Variants in RDX observed in about 807,000 individuals in gnomAD.
The protein encoded by RDX is radixin.
RDX carries 32 observed loss-of-function variants against 83.7 expected under a neutral mutation model. The ratio of observed to expected loss-of-function variants is 0.38; its 90% CI spans 0.29 to 0.51. RDX has a LOEUF of 0.51. Among genes scored for constraint, RDX ranks in the 20% least tolerant of loss-of-function variants. The pLI, the probability that RDX is intolerant of heterozygous loss-of-function variation, is 0.87. For missense variants in RDX, 600 were observed against 689.9 expected (o/e 0.87, Z 1.46); for synonymous variants, 229 against 222.7 (o/e 1.03, Z -0.25).
chr11:110,239,017 G>A (rs866029499), intron 10 of RDX, among the ~76,000 whole-genome samples: 3 of 151,822 alleles, frequency 2.0e-5, no homozygotes, highest in Middle Eastern at 3.2e-3. Context: ...TTAGGCTCAC[G>A]CCTGTAATCC....
intron 1 of RDX, among the ~76,000 whole-genome samples, chr11:110,294,929 T>C (rs1281457860): frequency 6.6e-6 from 1 of 152,204 alleles, no homozygotes; most frequent in African/African-American, 2.4e-5. Context: ...TAAATAAAAC[T>C]GTAAAGAATG....
chr11:110,224,228 A>C (rs562503213), intron 14 of RDX, among the ~76,000 whole-genome samples: 7 of 151,784 alleles, frequency 4.6e-5, no homozygotes, highest in Non-Finnish European at 1.0e-4. Flanking sequence ...TATTAAAAAA[A>C]AAAAACAAAA....
intron 8 of RDX, 45 bp from the exon 9 acceptor site, chr11:110,254,154 T>C (rs575658464): frequency 2.0e-6 from 3 of 1,511,912 alleles, no homozygotes; most frequent in East Asian, 2.3e-5. Context: ...TCAAGGATAC[T>C]GTCTCTCATA....
chr11:110,292,064 G>A (rs1861265551), intron 1 of RDX, among the ~76,000 whole-genome samples: 1 of 152,036 alleles, frequency 6.6e-6, no homozygotes, highest in Admixed American at 6.5e-5. Context: ...AGGCCAAGGC[G>A]GGCAGATCAC....
At chr11:110,205,126 GGGATCAATA>G (rs1863555374) in intron 14 of RDX, among the ~76,000 whole-genome samples, 1 of 152,016 alleles carries the variant, frequency 6.6e-6, no homozygotes, top group African/African-American at 2.4e-5. Context: ...AAATGGCAAT[GGGATCAATA>G]GGAAAAGGAT....
chr11:110,222,324 T>C (rs1490555642), intron 14 of RDX, among the ~76,000 whole-genome samples: 2 of 152,194 alleles, frequency 1.3e-5, no homozygotes, highest in Admixed American at 6.5e-5. Flanking sequence ...AGGATACATT[T>C]CATACAAAGC....
At chr11:110,179,032 T>A (rs946465886) in intron 15 of RDX, among the ~76,000 whole-genome samples, 2 of 152,066 alleles carry the variant, frequency 1.3e-5, no homozygotes, top group African/African-American at 2.4e-5. Flanking sequence ...ATACCAAAGA[T>A]TTTTACATGG....
At position 110,184,789 on chromosome 11, in the gene RDX, G is replaced by A. The variant is rs74963003; in HGVS notation, c.*32-9555C>T. On this transcript the variant is annotated intron_variant, in intron 15 of 15. Coordinates refer to the RDX transcript ENST00000528498. ...AGAGACATTTTTAGGAATTCATTGC[G>A]TTTGTGGAGTAAAAGAAAGCAGACA... is the stretch of plus-strand genomic sequence containing the variant. 3.2e-3 allele frequency among the ~76,000 whole-genome samples: 484 copies of A among 152,314 alleles called. 1 individual carries two copies. Among genetic ancestry groups the A allele is most frequent in the African/African-American group, 0.01 (436 of 41,568 alleles).
chr11:110,178,488 G>T (rs538342317), intron 15 of RDX, among the ~76,000 whole-genome samples: 2 of 152,296 alleles, frequency 1.3e-5, no homozygotes, highest in South Asian at 4.1e-4. Context: ...GTTGGCTTCT[G>T]CCCTGGAGAT....
chr11:110,289,118 A>G (rs1360288315), intron 1 of RDX, among the ~76,000 whole-genome samples: 1 of 151,834 alleles, frequency 6.6e-6, no homozygotes, highest in Non-Finnish European at 1.5e-5. Context: ...CATGCCTGTA[A>G]TCCCAGCTAC....
chr11:110,268,436 A>T (rs1422431838), intron 3 of RDX, among the ~76,000 whole-genome samples: 2 of 152,204 alleles, frequency 1.3e-5, no homozygotes. Context: ...ACAAAAGGAG[A>T]TTCCAAATAA....
intron 14 of RDX, among the ~76,000 whole-genome samples, chr11:110,205,841 A>C (rs1242674414): frequency 6.6e-6 from 1 of 152,234 alleles, no homozygotes; most frequent in African/African-American, 2.4e-5. Context: ...CCATAATGAC[A>C]GACAACTCCC....
chr11:110,180,194 G>A (rs113933301), intron 15 of RDX, among the ~76,000 whole-genome samples: 4 of 152,256 alleles, frequency 2.6e-5, no homozygotes, highest in African/African-American at 7.2e-5. Flanking sequence ...GAGCCATGGC[G>A]CCTGGCCCTG....
chr11:110,255,897 A>G (rs1247741556), intron 7 of RDX, among the ~76,000 whole-genome samples: 1 of 152,232 alleles, frequency 6.6e-6, no homozygotes, highest in Non-Finnish European at 1.5e-5. Context: ...AATTTTCAGT[A>G]TATTTTGAAA....
At chr11:110,217,711 A>T (rs1864104263) in intron 14 of RDX, among the ~76,000 whole-genome samples, 1 of 152,230 alleles carries the variant, frequency 6.6e-6, no homozygotes, top group African/African-American at 2.4e-5. Flanking sequence ...TGCACTGAAC[A>T]TCCACTGAGA....
chr11:110,228,660 TAATC>T (rs760598408), downstream of RDX, among the ~76,000 whole-genome samples: 6 of 151,962 alleles, frequency 3.9e-5, no homozygotes, highest in Admixed American at 6.6e-5. Context: ...AAAACATTAA[TAATC>T]AACACGGTGA....
chr11:110,264,946 T>C, intron 3 of RDX, 72 bp from the exon 4 acceptor site: 6 of 1,094,344 alleles, frequency 5.5e-6, no homozygotes, highest in Non-Finnish European at 8.4e-6. Flanking sequence ...GATACTACAC[T>C]TCAAAAGGAG....
chr11:110,284,404 T>G lies in RDX; in HGVS notation c.-64-4648A>C, dbSNP rs11213339. On this transcript the variant is annotated intron_variant, in intron 1 of 13. Coordinates refer to ENST00000645495, the MANE Select transcript of RDX (RefSeq NM_002906.4). ...ATGGACTTCTCCAGGGTTGTGGGGG[T>G]TTTTTATTTGTTTTTTGGTATTATT... 3.3e-5 allele frequency among the ~76,000 whole-genome samples: 5 copies of G among 152,000 alleles called. No homozygotes were observed. In the South Asian group the frequency reaches 8.3e-4, roughly 25 times the overall value.
intron 8 of RDX, among the ~76,000 whole-genome samples, chr11:110,254,994 C>T (rs1479625317): frequency 1.3e-5 from 2 of 152,156 alleles, no homozygotes; most frequent in Non-Finnish European, 2.9e-5. Context: ...AATGAAGAAA[C>T]ACTTTAAAAT....
Sources: gnomAD v4.1 joint callset for allele counts (sites outside exome capture counted in the v4.1 genomes callset) on GRCh38, gnomAD v4.1.1 for gene constraint, MANE v1.5 for transcripts, NCBI Gene and HGNC (gene_info 2026-07-23, HGNC 2026-07-21) for gene names.